Variants in ANKRD27 observed in about 807,000 individuals in gnomAD.
ANKRD27 encodes the protein ankyrin repeat domain-containing protein 27.
A neutral mutation model predicts 129.7 loss-of-function variants in ANKRD27; 112 were observed. That is an observed-to-expected ratio of 0.86 (90% CI 0.74 to 1.01). The LOEUF is 1.01. Among genes scored for constraint, ANKRD27 ranks in the 50% least tolerant of loss-of-function variants. The pLI is 0.00. For missense variants in ANKRD27, 1,258 were observed against 1,300.5 expected (o/e 0.97, Z 0.50); for synonymous variants, 516 against 511.2 (o/e 1.01, Z -0.13).
In ANKRD27 at chr19:32,600,047, T is replaced by C; in HGVS notation, c.2771A>G (p.Asn924Ser). 1 of 1,608,884 alleles carries C rather than the reference T, an allele frequency of 6.2e-7. No homozygotes were observed. Residue 924 changes from asparagine (N) to serine (S), a missense_variant, in exon 27 of 29, where the codon AAC becomes AGC. By Grantham distance (46) the Asn-to-Ser change is conservative. Coordinates refer to ENST00000306065, the MANE Select transcript of ANKRD27 (RefSeq NM_032139.3). ...ATCTGGTAGATCATACAGTTTTGAG[T>C]TCCCTGTAGATAAAAAGATAAACAT... ...YVTVKIRKKW[N>S]SKLYDLPDEP...
chr19:32,639,809 C>G (rs1362493357), intron 11 of ANKRD27, among the ~76,000 whole-genome samples: 1 of 152,152 alleles, frequency 6.6e-6, no homozygotes, highest in Admixed American at 6.5e-5. Flanking sequence ...GACACTCATT[C>G]CAGAACAAGA....
chr19:32,638,161 A>G (rs259231), intron 12 of ANKRD27: 120,309 of 152,338 alleles, frequency 0.79, 48,423 homozygotes, highest in African/African-American at 0.95. Context: ...GGAGTCCACG[A>G]CCCAGACTGA....
intron 2 of ANKRD27, among the ~76,000 whole-genome samples, chr19:32,655,884 G>A (rs550085294): frequency 7.2e-5 from 11 of 151,944 alleles, no homozygotes; most frequent in Non-Finnish European, 1.5e-4. Context: ...CAGGCATGGT[G>A]GTGGGTGTCT....
At chr19:32,627,491 T>C (rs4805783) in intron 15 of ANKRD27, among the ~76,000 whole-genome samples, 99,662 of 149,350 alleles carry the variant, frequency 0.67, 33,524 homozygotes, top group African/African-American at 0.71. Flanking sequence ...CTCCACCTTC[T>C]AGGTTCAAGC....
intron 2 of ANKRD27, among the ~76,000 whole-genome samples, chr19:32,656,904 A>AGTGAAT (rs1967549145): frequency 6.6e-6 from 1 of 152,194 alleles, no homozygotes; most frequent in Non-Finnish European, 1.5e-5. Flanking sequence ...AAGAGATGAC[A>AGTGAAT]GTGAATGTCT....
At chr19:32,632,879 G>T (rs1037273369) in intron 12 of ANKRD27, among the ~76,000 whole-genome samples, 1 of 152,174 alleles carries the variant, frequency 6.6e-6, no homozygotes, top group Admixed American at 6.5e-5. Flanking sequence ...CATCTCTGGG[G>T]ATAGGCCATT....
intron 1 of ANKRD27, among the ~76,000 whole-genome samples, chr19:32,668,414 C>T (rs1010810706): frequency 2.6e-5 from 4 of 151,342 alleles, no homozygotes; most frequent in African/African-American, 9.7e-5. Context: ...GCCTCCTGCC[C>T]TGGCCTCCCA....
At chr19:32,643,089 G>A (rs779609040) in intron 9 of ANKRD27, 34 bp downstream of exon 9, 2 of 1,607,736 alleles carry the variant, frequency 1.2e-6, no homozygotes, top group Non-Finnish European at 8.5e-7. Flanking sequence ...CCCTGCCTCT[G>A]AGGACACCAA....
At chr19:32,671,643 C>T (rs772397825) in intron 1 of ANKRD27, among the ~76,000 whole-genome samples, 38 of 151,844 alleles carry the variant, frequency 2.5e-4, no homozygotes, top group Non-Finnish European at 3.7e-4. Context: ...TGCAGTGAGC[C>T]GAGATCGGGC....
chr19:32,623,949 A>G (rs971917820), intron 17 of ANKRD27, among the ~76,000 whole-genome samples: 5 of 152,082 alleles, frequency 3.3e-5, no homozygotes, highest in Non-Finnish European at 7.4e-5. Context: ...CTGCTGTAAC[A>G]AACCACAGCT....
rs558122366 is a variant in ANKRD27, at chr19:32,613,748, G to A, written c.2175+1910C>T. 2.9e-3 allele frequency among the ~76,000 whole-genome samples: 374 copies of A among 129,634 alleles called. 1 individual carries two copies. Among genetic ancestry groups the A allele is most frequent in the African/African-American group, 0.011 (349 of 32,860 alleles). The allele number at this position is 129,634 out of a possible 152,430, so 85.0% of individuals were successfully genotyped here. On this transcript the variant is annotated intron_variant, in intron 22 of 28. Transcript: ENST00000306065. ...TTTTGAGACGGAGTCTTGCTCTGTT[G>A]CCCAGGCTGGAGTGCGGTGGCACAA...
intron 9 of ANKRD27, 165 bp downstream of exon 9, chr19:32,642,958 T>G: frequency 1.5e-6 from 1 of 686,162 alleles, no homozygotes; most frequent in Non-Finnish European, 2.5e-6. Flanking sequence ...CACAGTCACC[T>G]ATAAAGGGCA....
At chr19:32,642,440 C>T (rs545003110) in intron 9 of ANKRD27, among the ~76,000 whole-genome samples, 1 of 152,158 alleles carries the variant, frequency 6.6e-6, no homozygotes, top group East Asian at 1.9e-4. Flanking sequence ...TTTTTGTGTC[C>T]TAATGAAACT....
chr19:32,628,687 C>T, intron 14 of ANKRD27, 35 bp downstream of exon 14: 1 of 1,612,480 alleles, frequency 6.2e-7, no homozygotes. Flanking sequence ...TCTCCTGCTT[C>T]CTGGCACTCT....
At chr19:32,644,769 C>T (rs1397783756) in intron 4 of ANKRD27, among the ~76,000 whole-genome samples, 2 of 152,190 alleles carry the variant, frequency 1.3e-5, no homozygotes, top group Non-Finnish European at 2.9e-5. Context: ...TTTTCTGGGG[C>T]AAATGAAGAC....
intron 2 of ANKRD27, among the ~76,000 whole-genome samples, chr19:32,656,118 A>AAAGAAAG (rs1205369227): frequency 1.7e-5 from 2 of 117,846 alleles, no homozygotes; most frequent in Admixed American, 1.7e-4. Flanking sequence ...AAAAGAAAAG[A>AAAGAAAG]AAAGAAAAGA....
rs1421941665 is a variant in ANKRD27 at position 32,666,639 on chromosome 19, C to CTTTTTTTTTTTTTT, written c.-30-7595_-30-7594insAAAAAAAAAAAAAA. On this transcript the variant is annotated intron_variant, in intron 1 of 28. Coordinates refer to ENST00000306065, the MANE Select transcript of ANKRD27 (RefSeq NM_032139.3). ...GGGCACAGAAAAGGAAATCAGATTT[C>CTTTTTTTTTTTTTT]TATTTTTTTTTTTTTTTTTTTTTGA... Among the ~76,000 whole-genome samples the CTTTTTTTTTTTTTT allele has an allele frequency of 1.8e-5, 2 of 112,020 alleles. 1 individual carries two copies. The highest frequency in any genetic ancestry group is 3.5e-5 in the Non-Finnish European group (2 of 56,758). The allele number at this position is 112,020 out of a possible 152,430, so 73.5% of individuals were successfully genotyped here.
chr19:32,608,085 C>T lies in ANKRD27; in HGVS notation c.2176-253G>A, dbSNP rs1971776459. ...GCACCACCATCATGGCTCACTACAG[C>T]CTCGACCTCCTAGGCTCAAGTGATC... On this transcript the variant is annotated intron_variant, in intron 22 of 28. Coordinates refer to ENST00000306065, the MANE Select transcript of ANKRD27 (RefSeq NM_032139.3). Among the ~76,000 whole-genome samples the T allele has an allele frequency of 2.0e-5, 3 of 151,788 alleles. No homozygotes were observed. In the South Asian group the frequency reaches 6.2e-4, roughly 32 times the overall value.
intron 12 of ANKRD27, among the ~76,000 whole-genome samples, chr19:32,633,200 G>C (rs1205274681): frequency 1.3e-5 from 2 of 152,110 alleles, no homozygotes; most frequent in African/African-American, 4.8e-5. Context: ...TGGAAGAGAG[G>C]GGGTATCAGC....
Sources: gnomAD v4.1 joint callset for allele counts (sites outside exome capture counted in the v4.1 genomes callset) on GRCh38, gnomAD v4.1.1 for gene constraint, MANE v1.5 for transcripts, NCBI Gene and HGNC (gene_info 2026-07-23, HGNC 2026-07-21) for gene names.